DNAH2: variants seen among roughly 807,000 people sequenced by gnomAD.
DNAH2 encodes the protein axonemal beta dynein heavy chain 2.
In DNAH2, 323 loss-of-function variants were observed where a neutral mutation model predicts 523.5. The observed-to-expected ratio is 0.62, with a 90% confidence interval of 0.56 to 0.68. DNAH2 has a LOEUF of 0.68. Among genes scored for constraint, DNAH2 ranks in the 30% least tolerant of loss-of-function variants. DNAH2 has a pLI of 0.00. For synonymous variants in DNAH2, 2,093 were observed against 2,177.4 expected (o/e 0.96, Z 1.08); for missense variants, 4,907 against 5,701.5 (o/e 0.86, Z 4.49).
intron 2 of DNAH2, among the ~76,000 whole-genome samples, chr17:7,720,685 C>T (rs929087116): frequency 6.6e-5 from 10 of 152,078 alleles, no homozygotes; most frequent in Non-Finnish European, 8.8e-5. Context: ...AATAGAATCC[C>T]CTTCTAAAAT....
intron 18 of DNAH2, among the ~76,000 whole-genome samples, chr17:7,763,294 G>A (rs898321022): frequency 4.6e-5 from 7 of 152,202 alleles, no homozygotes; most frequent in African/African-American, 1.7e-4. Context: ...AAGTAGCTGG[G>A]ACTACAGGCG....
rs139890359 is a variant in DNAH2 at position 7,724,385 on chromosome 17, C to T, written c.228+696C>T. ...CCTGTAATCCCGCACTTTAGGATGC[C>T]GAGGTGGGTGGATCACCTGAGGTCA... On this transcript the variant is annotated intron_variant, in intron 3 of 85. Coordinates refer to ENST00000572933, the MANE Select transcript of DNAH2 (RefSeq NM_020877.5). Among the ~76,000 whole-genome samples the T allele has an allele frequency of 1.4e-3, 212 of 152,162 alleles. 2 individuals carry two copies. The highest frequency in any genetic ancestry group is 0.014 in the South Asian group (67 of 4,814).
chr17:7,798,064 C>A lies in DNAH2; in HGVS notation c.8231-93C>A. On this transcript the variant is annotated intron_variant, in intron 53 of 85. Transcript: ENST00000572933. The surrounding 1 kb of genome is among the most constrained non-coding windows in gnomAD (Gnocchi z 5.5). Reference sequence around the variant, plus strand: ...CTCATACCTCTTGGTTCCTCTGCTTCAGTTTCAGGGGCCCCAATCCCTAGC... The same window carrying A: ...CTCATACCTCTTGGTTCCTCTGCTTAAGTTTCAGGGGCCCCAATCCCTAGC... The A allele has an allele frequency of 6.8e-7, 1 of 1,477,372 alleles. No individual in the cohort carries two copies. Among genetic ancestry groups the A allele is most frequent in the Non-Finnish European group, 9.0e-7 (1 of 1,108,692 alleles). 91.5% of individuals were successfully genotyped at this position (1,477,372 alleles called of 1,614,324 possible).
chr17:7,738,561 C>T (rs2075211259), intron 8 of DNAH2, among the ~76,000 whole-genome samples: 1 of 152,060 alleles, frequency 6.6e-6, no homozygotes, highest in African/African-American at 2.4e-5. Context: ...GATCTCCTGA[C>T]CTTGTGATCT....
chr17:7,771,247 G>A (rs1007511413), intron 27 of DNAH2, 83 bp from the exon 28 acceptor site: 5 of 1,577,290 alleles, frequency 3.2e-6, no homozygotes, highest in East Asian at 4.5e-5. Context: ...CTACCCAACT[G>A]TCACCCACAA....
rs565375737 is a variant in DNAH2, at chr17:7,792,834, C to G, written c.7323C>G (p.Leu2441=). The change falls in exon 47 of 86, where the codon CTC becomes CTG. Residue 2441 remains leucine, a synonymous_variant. Transcript: ENST00000572933. ...QSLPSSQWSV[L]VVNMSAQTTS... ...TGCCCTCCAGCCAGTGGTCGGTGCT[C>G]GTTGTCAACATGTCCGCACAGGTGT... is the stretch of plus-strand genomic sequence containing the variant. 4 of 1,614,106 alleles carry G rather than the reference C, an allele frequency of 2.5e-6. No homozygotes were observed. The highest frequency in any genetic ancestry group is 3.4e-6 in the Non-Finnish European group (4 of 1,179,994).
At chr17:7,747,839 A>G (rs2075560361) in intron 12 of DNAH2, among the ~76,000 whole-genome samples, 1 of 152,202 alleles carries the variant, frequency 6.6e-6, no homozygotes, top group Non-Finnish European at 1.5e-5. Context: ...GAAGGGAAAG[A>G]ACACGATCAC....
rs1203173523 is a variant in DNAH2, at chr17:7,786,297, G to C, written c.6303G>C (p.Leu2101=). The part of the protein sequence containing the change: ...TASWRILQAS[L]SSLCRAGDPN... ...CATGGCGCATTCTACAGGCCTCCCT[G>C]TCCTCTCTGTGCCGCGCCGGAGACC... The change falls in exon 40 of 86, where the codon CTG becomes CTC. Residue 2101 remains leucine, a synonymous_variant. Coordinates refer to ENST00000572933, the MANE Select transcript of DNAH2 (RefSeq NM_020877.5). The surrounding 1 kb of genome is among the most constrained non-coding windows in gnomAD (Gnocchi z 7.5). The C allele has an allele frequency of 6.2e-7, 1 of 1,613,906 alleles. No homozygotes were observed. The highest frequency in any genetic ancestry group is 8.5e-7 in the Non-Finnish European group (1 of 1,180,030).
Position 7,780,141 on chromosome 17 carries a change from T to C in DNAH2, c.5723-16T>C. 1 of 1,601,708 alleles carries C rather than the reference T, an allele frequency of 6.2e-7. No individual in the cohort carries two copies. Among genetic ancestry groups the C allele is most frequent in the Non-Finnish European group, 8.5e-7 (1 of 1,175,012 alleles). ...GAGGAAATATATGATTCTAAGCAAG[T>C]GGCATTGTTTTCCAGGCTATGCTGG... On this transcript the variant is annotated splice_polypyrimidine_tract_variant and intron_variant, in intron 36 of 85. Coordinates refer to ENST00000572933, the MANE Select transcript of DNAH2 (RefSeq NM_020877.5). This position sits in a 1 kb window ranked among gnomAD's most constrained non-coding sequence, Gnocchi z 4.4.
rs139699398 is a variant in DNAH2, at chr17:7,748,301, T to C, written c.1904+5159T>C. Among the ~76,000 whole-genome samples, 557 of 152,322 alleles carry C rather than the reference T, an allele frequency of 3.7e-3. 4 individuals carry two copies. Among genetic ancestry groups the C allele is most frequent in the South Asian group, 0.019 (94 of 4,830 alleles). ...TTCCTGAGAGGAGGAGACGAGATAC[T>C]GAGGTCTGTTTTTTGTTCCCAGAGC... On this transcript the variant is annotated intron_variant, in intron 12 of 85. Coordinates refer to ENST00000572933, the MANE Select transcript of DNAH2 (RefSeq NM_020877.5).
At chr17:7,814,819 A>G (rs1451054840) in intron 63 of DNAH2, among the ~76,000 whole-genome samples, 1 of 152,240 alleles carries the variant, frequency 6.6e-6, no homozygotes, top group Non-Finnish European at 1.5e-5. Flanking sequence ...ATTGCACTCC[A>G]GCCTGGGAGA....
chr17:7,805,173 G>A, intron 60 of DNAH2, 79 bp from the exon 61 acceptor site: 2 of 1,597,144 alleles, frequency 1.3e-6, no homozygotes, highest in Non-Finnish European at 1.7e-6. Context: ...GGGGAAGTGG[G>A]AAGAAGAGGT....
At position 7,776,105 on chromosome 17, in the gene DNAH2, T is replaced by C; in HGVS notation, c.4903T>C (p.Phe1635Leu). 6.2e-7 allele frequency: 1 copy of C among 1,614,010 alleles called. No individual in the cohort carries two copies. The highest frequency in any genetic ancestry group is 8.5e-7 in the Non-Finnish European group (1 of 1,179,926). The change falls in exon 31 of 86, where the codon TTC becomes CTC. Residue 1635 changes from phenylalanine (F) to leucine (L), a missense_variant. Transcript: ENST00000572933. ...GAACTGCCACCTGGCCCTCAGGAAG[T>C]TCCTCAACAAGAGGGACAAATGGGT... Reference protein sequence around the residue: ...LRNCHLALRKFLNKRDKWVKE... With the variant: ...LRNCHLALRKLLNKRDKWVKE...
At chr17:7,805,754 T>A (rs1286280885) in intron 61 of DNAH2, among the ~76,000 whole-genome samples, 2 of 152,044 alleles carry the variant, frequency 1.3e-5, no homozygotes, top group African/African-American at 4.8e-5. Context: ...CTTGGGAGGC[T>A]GAGGCAGGAG....
At position 7,739,771 on chromosome 17, in the gene DNAH2, T is replaced by C; in HGVS notation, c.1209T>C (p.Asp403=). ...DCQYHFARWE[D]GKQGPLPCFF... is the part of the protein sequence containing the mutation. ...AGTATCACTTCGCCCGCTGGGAAGA[T>C]GGCAAGCAGGGTCCCCTTCCTTGCT... The change falls in exon 9 of 86, where the codon GAT becomes GAC. Residue 403 remains aspartate, a synonymous_variant. Coordinates refer to ENST00000572933, the MANE Select transcript of DNAH2 (RefSeq NM_020877.5). The C allele has an allele frequency of 6.2e-7, 1 of 1,613,856 alleles. No individual in the cohort carries two copies. The highest frequency in any genetic ancestry group is 8.5e-7 in the Non-Finnish European group (1 of 1,180,002).
chr17:7,742,379 C>A (rs747693082), intron 11 of DNAH2, among the ~76,000 whole-genome samples: 1 of 152,092 alleles, frequency 6.6e-6, no homozygotes, highest in African/African-American at 2.4e-5. Context: ...TGCAGTGAGC[C>A]GAGATCGCGC....
chr17:7,741,116 C>A (rs2151153931), intron 11 of DNAH2, 124 bp downstream of exon 11: 1 of 1,257,384 alleles, frequency 8.0e-7, no homozygotes, highest in Non-Finnish European at 1.1e-6. Context: ...AGGGGAGTGG[C>A]AGGTCCAGTT....
At chr17:7,747,260 C>T (rs989388489) in intron 12 of DNAH2, among the ~76,000 whole-genome samples, 11 of 151,968 alleles carry the variant, frequency 7.2e-5, no homozygotes, top group African/African-American at 2.7e-4. Context: ...GGAGCCACTG[C>T]ACCCCGTCAC....
intron 4 of DNAH2, among the ~76,000 whole-genome samples, chr17:7,729,387 G>GACAA (rs544854969): frequency 1.5e-5 from 2 of 129,566 alleles, no homozygotes; most frequent in Admixed American, 7.8e-5. Context: ...TCTCCAAAAA[G>GACAA]AAAAAAAAAA....
Sources: allele counts gnomAD v4.1 joint callset (sites outside exome capture counted in the v4.1 genomes callset), GRCh38; gene constraint gnomAD v4.1.1; non-coding constraint Gnocchi (gnomAD v3.1); transcripts MANE v1.5; gene names NCBI Gene and HGNC (gene_info 2026-07-23, HGNC 2026-07-21).